Variants in NCOA2 observed in about 807,000 individuals in gnomAD.
The protein encoded by NCOA2 is class E basic helix-loop-helix protein 75.
Under a neutral mutation model 145.1 loss-of-function variants are expected in NCOA2, and 21 were observed. The ratio of observed to expected loss-of-function variants is 0.14; its 90% CI spans 0.10 to 0.21. The LOEUF (loss-of-function observed/expected upper bound fraction) is 0.21. Among genes scored for constraint, NCOA2 ranks in the 10% least tolerant of loss-of-function variants. The pLI is 1.00. For synonymous variants in NCOA2, 619 were observed against 637.5 expected (o/e 0.97, Z 0.44); for missense variants, 1,472 against 1,837.6 (o/e 0.80, Z 3.64).
At chr8:70,221,834 G>A (rs528493427) in intron 2 of NCOA2, among the ~76,000 whole-genome samples, 3 of 152,226 alleles carry the variant, frequency 2.0e-5, no homozygotes, top group African/African-American at 7.2e-5. Flanking sequence ...GGATGACAGC[G>A]CACAGAAAAT....
chr8:70,136,092 G>A (rs779700326), intron 15 of NCOA2, among the ~76,000 whole-genome samples: 6 of 152,178 alleles, frequency 3.9e-5, no homozygotes, highest in Non-Finnish European at 5.9e-5. Context: ...TGTGAACTTA[G>A]GCTGGGCGCG....
At chr8:70,455,160 A>G in the NCOA2 span, among the ~76,000 whole-genome samples, 1 of 152,196 alleles carries the variant, frequency 6.6e-6, no homozygotes, top group Non-Finnish European at 1.5e-5. Flanking sequence ...ATACTTTTTT[A>G]AAAAACCAGG....
chr8:70,132,396 T>A (rs1340799980), intron 15 of NCOA2, among the ~76,000 whole-genome samples: 14 of 152,168 alleles, frequency 9.2e-5, no homozygotes, highest in Admixed American at 9.2e-4. Context: ...TTAGTAGGAA[T>A]CACGGATTGA....
At chr8:70,383,480 C>T (rs1231934888) in intron 1 of NCOA2, among the ~76,000 whole-genome samples, 2 of 150,676 alleles carry the variant, frequency 1.3e-5, no homozygotes, top group African/African-American at 2.5e-5. Flanking sequence ...AAGAGGGACA[C>T]TAAAATCATC....
intron 4 of NCOA2, among the ~76,000 whole-genome samples, chr8:70,201,818 G>A (rs1053851141): frequency 9.2e-5 from 14 of 152,146 alleles, no homozygotes; most frequent in African/African-American, 3.4e-4. Flanking sequence ...CATGAGAAAC[G>A]ACTGAAATGA....
intron 6 of NCOA2, among the ~76,000 whole-genome samples, chr8:70,169,368 T>C (rs927350856): frequency 2.0e-5 from 3 of 152,234 alleles, no homozygotes; most frequent in Non-Finnish European, 2.9e-5. Context: ...CTGGAGAGTC[T>C]GCAAGACCGA....
chr8:70,151,147 T>G (rs980882075), intron 11 of NCOA2, among the ~76,000 whole-genome samples: 2 of 152,172 alleles, frequency 1.3e-5, no homozygotes, highest in Non-Finnish European at 2.9e-5. Flanking sequence ...AAGAGAAATA[T>G]CCAAAATAAA....
chr8:70,264,325 C>G (rs544876243), intron 2 of NCOA2, among the ~76,000 whole-genome samples: 1 of 152,014 alleles, frequency 6.6e-6, no homozygotes, highest in African/African-American at 2.4e-5. Flanking sequence ...TCAGACCAGT[C>G]TGGGCAATAT....
rs976040684 is a variant in NCOA2 at position 70,207,329 on chromosome 8, C to T, written c.259+6574G>A. On this transcript the variant is annotated intron_variant, in intron 4 of 22. Transcript: ENST00000452400. ...GAAGTGAGAGCTCACATCATAAATC[C>T]TAAAGCATTATAACACATTCAATTA... Among the ~76,000 whole-genome samples, 4 of 152,102 alleles carry T rather than the reference C, an allele frequency of 2.6e-5. No homozygotes were observed. In the South Asian group the frequency reaches 8.3e-4, roughly 32 times the overall value.
At chr8:70,238,532 A>G (rs1425389582) in intron 2 of NCOA2, among the ~76,000 whole-genome samples, 3 of 152,184 alleles carry the variant, frequency 2.0e-5, no homozygotes, top group East Asian at 1.9e-4. Flanking sequence ...AATTCTTCCC[A>G]TTGTCTAAGA....
intron 22 of NCOA2, among the ~76,000 whole-genome samples, chr8:70,114,902 A>G (rs1000453431): frequency 5.9e-5 from 9 of 152,336 alleles, no homozygotes; most frequent in African/African-American, 2.2e-4. Flanking sequence ...GTGGAATTAC[A>G]TTAGCCCCTG....
At chr8:70,321,816 T>TTTTTTTTTTTTTTTTTTG in intron 1 of NCOA2, among the ~76,000 whole-genome samples, 1 of 144,446 alleles carries the variant, frequency 6.9e-6, no homozygotes, top group Non-Finnish European at 1.5e-5. Context: ...TTTTTTTTTT[T>TTTTTTTTTTTTTTTTTTG]TTTTTGGTGA....
In NCOA2 at chr8:70,131,797, G is replaced by A. The variant is rs1224472865; in HGVS notation, c.3324+40C>T. The stretch of plus-strand genomic sequence containing the variant: ...AGAAAATGGACACCTCTGCGCCCAT[G>A]AGAGCGCTTGGCCCCCACCTGCTGC... On this transcript the variant is annotated intron_variant, in intron 16 of 22. Transcript: ENST00000452400. 1.9e-6 allele frequency: 3 copies of A among 1,557,244 alleles called. No individual in the cohort carries two copies. The Admixed American group carries it at 5.8e-5, about 30-fold the overall frequency.
intron 1 of NCOA2, among the ~76,000 whole-genome samples, chr8:70,323,737 A>C (rs1051028955): frequency 6.6e-6 from 1 of 152,126 alleles, no homozygotes; most frequent in Non-Finnish European, 1.5e-5. Flanking sequence ...ATCTCCAATA[A>C]CCTTTCTGAC....
chr8:70,203,649 A>G (rs1818152297), intron 4 of NCOA2, among the ~76,000 whole-genome samples: 1 of 152,188 alleles, frequency 6.6e-6, no homozygotes, highest in South Asian at 2.1e-4. Context: ...AGTGAATGAC[A>G]ATAATAAACA....
intron 2 of NCOA2, among the ~76,000 whole-genome samples, chr8:70,294,697 G>A (rs1192050322): frequency 6.6e-6 from 1 of 152,246 alleles, no homozygotes; most frequent in South Asian, 2.1e-4. Flanking sequence ...GGGTATTTAG[G>A]CAGAAAATGG....
At chr8:70,198,060 C>G (rs968751574) in intron 4 of NCOA2, among the ~76,000 whole-genome samples, 1 of 152,136 alleles carries the variant, frequency 6.6e-6, no homozygotes, top group Non-Finnish European at 1.5e-5. Flanking sequence ...CTTGGCCTCC[C>G]AAAGTGTTGG....
chr8:70,353,701 T>C (rs908076049), intron 1 of NCOA2, among the ~76,000 whole-genome samples: 1 of 151,936 alleles, frequency 6.6e-6, no homozygotes, highest in Non-Finnish European at 1.5e-5. Flanking sequence ...CAAATATCAA[T>C]ACCAATAACA....
At chr8:70,135,149 C>T (rs1054152789) in intron 15 of NCOA2, among the ~76,000 whole-genome samples, 6 of 152,148 alleles carry the variant, frequency 3.9e-5, no homozygotes, top group African/African-American at 4.8e-5. Context: ...AGATGCTACA[C>T]ATACCACCAG....
Sources: gnomAD v4.1 joint callset for allele counts (sites outside exome capture counted in the v4.1 genomes callset) on GRCh38, gnomAD v4.1.1 for gene constraint, MANE v1.5 for transcripts, NCBI Gene and HGNC (gene_info 2026-07-23, HGNC 2026-07-21) for gene names.